The following GARNL3 variants were observed in gnomAD, a reference collection of about 807,000 sequenced individuals.
The protein encoded by GARNL3 is GTPase-activating Rap/Ran-GAP domain-like protein 3.
Under a neutral mutation model 125.0 loss-of-function variants are expected in GARNL3, and 63 were observed. The ratio of observed to expected loss-of-function variants is 0.50; its 90% CI spans 0.41 to 0.62. The LOEUF (loss-of-function observed/expected upper bound fraction) is 0.62, where lower values mean the gene tolerates loss of function less well. GARNL3 is among the 20% of genes least tolerant of loss of function. The pLI is 0.00. For missense variants in GARNL3, 994 were observed against 1,244.0 expected, an observed-to-expected ratio of 0.80 and a Z score of 3.02; for synonymous variants, 439 against 457.5, an observed-to-expected ratio of 0.96 and a Z score of 0.52.
At chr9:127,350,025 C>A (rs1830343940) in intron 17 of GARNL3, among the ~76,000 whole-genome samples, 1 of 152,198 alleles carries the variant, frequency 6.6e-6, no homozygotes, top group Non-Finnish European at 1.5e-5. Flanking sequence ...ACGCCAGGTG[C>A]CTTCTGAAGC....
At position 127,385,254 on chromosome 9, in the gene GARNL3, G is replaced by A. The variant is rs568168278; in HGVS notation, c.2388+109G>A. The A allele has an allele frequency of 3.7e-5, 22 of 589,866 alleles. No homozygotes were observed. The highest frequency in any genetic ancestry group is 9.4e-5 in the South Asian group (4 of 42,714). 36.5% of individuals were successfully genotyped at this position (589,866 alleles called of 1,614,324 possible). On this transcript the variant is annotated intron_variant, in intron 24 of 27. Transcript: ENST00000373387. The surrounding 1 kb of genome is among the most constrained non-coding windows in gnomAD (Gnocchi z 4.1). Reference sequence around the variant, plus strand: ...TTGTCAAGTTAGGCTGATGAAGACCGGTGTCAGAATGCCAGCACGAGATGG... The same window carrying A: ...TTGTCAAGTTAGGCTGATGAAGACCAGTGTCAGAATGCCAGCACGAGATGG...
chr9:127,357,099 G>T, intron 20 of GARNL3, 120 bp from the exon 21 acceptor site: 2 of 919,264 alleles, frequency 2.2e-6, no homozygotes, highest in Admixed American at 2.2e-5. Context: ...GTAGCACGGG[G>T]CTCTGCAGGA....
intron 22 of GARNL3, 63 bp downstream of exon 22, chr9:127,365,429 C>T: frequency 8.0e-7 from 1 of 1,256,230 alleles, no homozygotes; most frequent in East Asian, 2.3e-5. Context: ...TTTTTCTGGG[C>T]AATTTAAAAA....
intron 22 of GARNL3, among the ~76,000 whole-genome samples, chr9:127,375,191 G>A (rs1831830807): frequency 6.6e-6 from 1 of 152,062 alleles, no homozygotes; most frequent in South Asian, 2.1e-4. Flanking sequence ...GGCTGGGTGC[G>A]GTGGCTCACA....
chr9:127,329,816 C>A (rs1247407432), intron 7 of GARNL3, among the ~76,000 whole-genome samples: 2 of 152,174 alleles, frequency 1.3e-5, no homozygotes, highest in South Asian at 2.1e-4. Context: ...CTTCCCTGAG[C>A]TTCCCTGTCC....
chr9:127,334,392 C>G (rs1222950091), intron 9 of GARNL3, among the ~76,000 whole-genome samples: 1 of 152,192 alleles, frequency 6.6e-6, no homozygotes, highest in African/African-American at 2.4e-5. Flanking sequence ...TCTCCTTACC[C>G]TCTGGGAGCC....
At chr9:127,258,844 C>A (rs73599252), upstream of GARNL3, among the ~76,000 whole-genome samples, 502 of 152,246 alleles carry the variant, frequency 3.3e-3, 3 homozygotes, top group African/African-American at 0.011. Flanking sequence ...AAGGAGAATC[C>A]CTTCCATCTG....
intron 1 of GARNL3, among the ~76,000 whole-genome samples, chr9:127,232,417 C>T (rs2063035044): frequency 6.6e-6 from 1 of 152,156 alleles, no homozygotes; most frequent in African/African-American, 2.4e-5. Context: ...CGATGATCCT[C>T]CTGCCTCAGC....
At chr9:127,225,488 C>T in intron 1 of GARNL3, 1 of 543,204 alleles carries the variant, frequency 1.8e-6, no homozygotes, top group Non-Finnish European at 2.3e-6. Context: ...GGGGCGAGGC[C>T]GTGGCGTGGG....
At position 127,239,184 on chromosome 9, in the gene GARNL3, T is replaced by C. The variant is rs546028704; in HGVS notation, c.-28-3895T>C. ...GTGATTTCCCCTGACTTGTAGTCTTTCTTTGGGCAGGTTCACATGTACTTT... is the reference window on the plus strand; with the variant it reads ...GTGATTTCCCCTGACTTGTAGTCTTCCTTTGGGCAGGTTCACATGTACTTT... On this transcript the variant is annotated intron_variant, in intron 1 of 10. Transcript: ENST00000439286. Among the ~76,000 whole-genome samples, 29 of 152,360 alleles carry C rather than the reference T, an allele frequency of 1.9e-4. 1 individual carries two copies. The South Asian group carries it at 6.0e-3, about 32-fold the overall frequency.
chr9:127,357,224 C>T lies in GARNL3; in HGVS notation c.1941C>T (p.Ile647=), dbSNP rs1192808520. 6.2e-7 allele frequency: 1 copy of T among 1,614,118 alleles called. No homozygotes were observed. The highest frequency in any genetic ancestry group is 1.7e-5 in the Admixed American group (1 of 60,018). The part of the protein sequence containing the change: ...PVEEFQYIRE[I]CLSDSPMVMT... ...TATCCTCACCAACCACACAGGAGAT[C>T]TGTCTGTCTGACTCTCCCATGGTGA... The change falls in exon 21 of 28, where the codon ATC becomes ATT. Residue 647 remains isoleucine (I), a synonymous_variant. Coordinates refer to ENST00000373387, the MANE Select transcript of GARNL3 (RefSeq NM_032293.5).
chr9:127,317,733 AAACAAC>A (rs55904456), intron 4 of GARNL3, among the ~76,000 whole-genome samples: 4,624 of 151,674 alleles, frequency 0.03, 222 homozygotes, highest in African/African-American at 0.1. Flanking sequence ...AAACAAAACA[AAACAAC>A]AACAACAACA....
chr9:127,263,116 C>T (rs1258238318), upstream of GARNL3, among the ~76,000 whole-genome samples: 1 of 152,162 alleles, frequency 6.6e-6, no homozygotes, highest in African/African-American at 2.4e-5. Flanking sequence ...AGCTTGCTCC[C>T]TGGTTGTTTT....
chr9:127,353,580 G>A (rs1177588136), intron 17 of GARNL3: 2 of 326,118 alleles, frequency 6.1e-6, no homozygotes, highest in Non-Finnish European at 1.1e-5. Flanking sequence ...AACAAAAATA[G>A]CGTTTTCATG....
chr9:127,297,787 T>C (rs1273968307), intron 2 of GARNL3, among the ~76,000 whole-genome samples: 4 of 152,256 alleles, frequency 2.6e-5, no homozygotes, highest in African/African-American at 9.6e-5. Context: ...TCATTCCAGA[T>C]TGTAATTTGC....
chr9:127,341,023 C>T (rs931233654), intron 13 of GARNL3, among the ~76,000 whole-genome samples: 1 of 152,148 alleles, frequency 6.6e-6, no homozygotes. Context: ...ACAACTTTGT[C>T]CTGGAGAACA....
At chr9:127,370,522 C>G (rs757524137) in intron 22 of GARNL3, among the ~76,000 whole-genome samples, 5 of 152,192 alleles carry the variant, frequency 3.3e-5, no homozygotes, top group Admixed American at 6.5e-5. Flanking sequence ...CCCCAGGACC[C>G]AGCTGGCACA....
chr9:127,296,772 G>C (rs1393264756), intron 2 of GARNL3, among the ~76,000 whole-genome samples: 1 of 151,984 alleles, frequency 6.6e-6, no homozygotes, highest in African/African-American at 2.4e-5. Flanking sequence ...CGCCTGGCCA[G>C]GTAGGCATGA....
intron 2 of GARNL3, among the ~76,000 whole-genome samples, chr9:127,309,353 G>C (rs934776236): frequency 2.0e-5 from 3 of 152,192 alleles, no homozygotes; most frequent in African/African-American, 7.2e-5. Flanking sequence ...TCATAAGGTT[G>C]ATGGGTGGTT....
Sources: allele counts gnomAD v4.1 joint callset (sites outside exome capture counted in the v4.1 genomes callset), GRCh38; gene constraint gnomAD v4.1.1; non-coding constraint Gnocchi (gnomAD v3.1); transcripts MANE v1.5; gene names NCBI Gene and HGNC (gene_info 2026-07-23, HGNC 2026-07-21).